BCL2: variants seen among roughly 807,000 people sequenced by gnomAD.
BCL2 encodes the protein apoptosis regulator Bcl-2.
Under a neutral mutation model 14.2 loss-of-function variants are expected in BCL2, and 1 was observed. That is an observed-to-expected ratio of 0.07 (90% confidence interval 0.02 to 0.33). The LOEUF (loss-of-function observed/expected upper bound fraction) is 0.33. BCL2 is among the 10% of genes least tolerant of loss of function. BCL2 has a pLI of 0.99. For synonymous variants in BCL2, 151 were observed against 137.2 expected (o/e 1.10, Z -0.70); for missense variants, 247 against 305.9 (o/e 0.81, Z 1.44).
chr18:63,306,327 T>C (rs1050964166), intron 2 of BCL2, among the ~76,000 whole-genome samples: 4 of 152,238 alleles, frequency 2.6e-5, no homozygotes, highest in African/African-American at 9.6e-5. Context: ...GCACTTGATC[T>C]CTTGCCCGTT....
chr18:63,267,130 G>A (rs568516025), intron 2 of BCL2, among the ~76,000 whole-genome samples: 1 of 152,314 alleles, frequency 6.6e-6, no homozygotes, highest in African/African-American at 2.4e-5. Flanking sequence ...GCAGGGGACA[G>A]CACGATGCAA....
intron 2 of BCL2, among the ~76,000 whole-genome samples, chr18:63,200,821 C>T (rs1268094686): frequency 6.6e-6 from 1 of 151,982 alleles, no homozygotes; most frequent in Non-Finnish European, 1.5e-5. Flanking sequence ...TGGGGTCTCG[C>T]TAGGTTGCCT....
Position 63,123,659 on chromosome 18 carries a change from A to C in BCL2, c.*4966T>G, listed in dbSNP as rs1374468369. On this transcript the variant is annotated 3_prime_UTR_variant, in exon 3 of 3. Transcript: ENST00000333681. Reference sequence around the variant, plus strand: ...ACTTATTGTACACTTATTTTTATTTAAAACAAAAATAACCCCAGTAACTCA... The same window carrying C: ...ACTTATTGTACACTTATTTTTATTTCAAACAAAAATAACCCCAGTAACTCA... 2.8e-5 allele frequency: 6 copies of C among 212,218 alleles called. No individual in the cohort carries two copies. Among genetic ancestry groups the C allele is most frequent in the Non-Finnish European group, 5.7e-5 (6 of 104,876 alleles). The allele number at this position is 212,218 out of a possible 1,614,324, so 13.1% of individuals were successfully genotyped here.
intron 2 of BCL2, among the ~76,000 whole-genome samples, chr18:63,211,367 T>G (rs1453938606): frequency 1.3e-5 from 2 of 152,300 alleles, no homozygotes; most frequent in East Asian, 3.9e-4. Flanking sequence ...CATATTTATT[T>G]CCATCTTTCC....
At chr18:63,219,451 CTTTTTT>C (rs11289698) in intron 2 of BCL2, among the ~76,000 whole-genome samples, 1 of 109,780 alleles carries the variant, frequency 9.1e-6, no homozygotes, top group Non-Finnish European at 1.9e-5. Flanking sequence ...CACAGCAGAA[CTTTTTT>C]TTTTTTTTTT....
chr18:63,308,308 C>G (rs912067636), intron 2 of BCL2, among the ~76,000 whole-genome samples: 2 of 152,168 alleles, frequency 1.3e-5, no homozygotes, highest in African/African-American at 2.4e-5. Context: ...GACTTTTGTG[C>G]TGCAGTTCTT....
chr18:63,163,462 C>A (rs1283361270), intron 2 of BCL2, among the ~76,000 whole-genome samples: 1 of 152,180 alleles, frequency 6.6e-6, no homozygotes, highest in African/African-American at 2.4e-5. Flanking sequence ...AGCCCTATAA[C>A]AGCAGATGAA....
At chr18:63,199,497 T>C (rs568846780) in intron 2 of BCL2, among the ~76,000 whole-genome samples, 6 of 134,738 alleles carry the variant, frequency 4.5e-5, no homozygotes, top group Non-Finnish European at 6.3e-5. Flanking sequence ...CAGAGACACA[T>C]GCATACACAG....
rs913537459 is a variant in BCL2 at position 63,125,136 on chromosome 18, T to G, written c.*3489A>C. On this transcript the variant is annotated 3_prime_UTR_variant, in exon 3 of 3. Coordinates refer to ENST00000333681, the MANE Select transcript of BCL2 (RefSeq NM_000633.3). Reference sequence around the variant, plus strand: ...CTCGATTTATAATCACTTCCTAATTTTTCCCACTGGGCCAGAGCTACATCT... The same window carrying G: ...CTCGATTTATAATCACTTCCTAATTGTTCCCACTGGGCCAGAGCTACATCT... The G allele has an allele frequency of 8.1e-5, 18 of 221,348 alleles. No individual in the cohort carries two copies. The highest frequency in any genetic ancestry group is 1.5e-4 in the Non-Finnish European group (17 of 110,558). The allele number at this position is 221,348 out of a possible 1,614,324, so 13.7% of individuals were successfully genotyped here.
chr18:63,240,265 C>G (rs948540208), intron 2 of BCL2, among the ~76,000 whole-genome samples: 1 of 152,020 alleles, frequency 6.6e-6, no homozygotes, highest in Non-Finnish European at 1.5e-5. Context: ...CTGGGATTAC[C>G]GCTGTGAGCC....
chr18:63,313,298 A>G (rs1464802435), intron 2 of BCL2, among the ~76,000 whole-genome samples: 6 of 152,216 alleles, frequency 3.9e-5, no homozygotes, highest in African/African-American at 1.2e-4. Context: ...AATAACTGTC[A>G]GTCCTTGGAT....
At chr18:63,274,277 C>CTTTTTTTTTTTTTTTTTTTTTTTTTTTT in intron 2 of BCL2, among the ~76,000 whole-genome samples, 1 of 86,752 alleles carries the variant, frequency 1.2e-5, no homozygotes, top group Non-Finnish European at 2.2e-5. Context: ...TAAAGATACT[C>CTTTTTTTTTTTTTTTTTTTTTTTTTTTT]TTTTTTTTTT....
intron 2 of BCL2, among the ~76,000 whole-genome samples, chr18:63,261,593 C>T (rs1911660505): frequency 6.6e-6 from 1 of 152,092 alleles, no homozygotes; most frequent in Non-Finnish European, 1.5e-5. Flanking sequence ...AGCTTTGAAA[C>T]TCACATAGAA....
chr18:63,261,273 C>A (rs1460895872), intron 2 of BCL2, among the ~76,000 whole-genome samples: 1 of 152,128 alleles, frequency 6.6e-6, no homozygotes, highest in Non-Finnish European at 1.5e-5. Flanking sequence ...CGACAACTAG[C>A]TGCTTGGTTG....
chr18:63,192,088 C>G (rs899967), intron 2 of BCL2, among the ~76,000 whole-genome samples: 91,835 of 151,982 alleles, frequency 0.6, 29,155 homozygotes, highest in Non-Finnish European at 0.72. Flanking sequence ...TCATGGATCT[C>G]AAAGAATAAA....
chr18:63,147,069 A>G (rs541602454), intron 2 of BCL2, among the ~76,000 whole-genome samples: 47 of 152,354 alleles, frequency 3.1e-4, no homozygotes, highest in African/African-American at 1.0e-3. Context: ...GAAGCTCATC[A>G]TGTTATCCTA....
chr18:63,275,747 CAACCCTTGCAGGCCAAGCA>C (rs1460786148), intron 2 of BCL2, among the ~76,000 whole-genome samples: 2 of 152,208 alleles, frequency 1.3e-5, no homozygotes, highest in African/African-American at 4.8e-5. Context: ...CTGCCATGGC[CAACCCTTGCAGGCCAAGCA>C]AACCCTGGCG....
intron 2 of BCL2, among the ~76,000 whole-genome samples, chr18:63,293,821 A>T (rs1388094761): frequency 1.3e-5 from 2 of 152,244 alleles, no homozygotes; most frequent in African/African-American, 4.8e-5. Context: ...ATGTTTTAAC[A>T]GAGTATGTAA....
chr18:63,147,945 A>G (rs1004483288), intron 2 of BCL2, among the ~76,000 whole-genome samples: 3 of 152,146 alleles, frequency 2.0e-5, no homozygotes, highest in African/African-American at 7.2e-5. Context: ...TCTTGAACCA[A>G]AAGTTTCCAC....
Sources: gnomAD v4.1 joint callset for allele counts (sites outside exome capture counted in the v4.1 genomes callset) on GRCh38, gnomAD v4.1.1 for gene constraint, MANE v1.5 for transcripts, NCBI Gene and HGNC (gene_info 2026-07-23, HGNC 2026-07-21) for gene names.